Variants in CMSS1 observed in about 807,000 individuals in gnomAD.
The protein encoded by CMSS1 is cms1 ribosomal small subunit homolog, also known as protein CMSS1.
A neutral mutation model predicts 43.5 loss-of-function variants in CMSS1; 33 were observed. That is an observed-to-expected ratio of 0.76 (90% CI 0.57 to 1.01). The LOEUF (loss-of-function observed/expected upper bound fraction) is 1.01. Among genes scored for constraint, CMSS1 ranks in the 50% least tolerant of loss-of-function variants. CMSS1 has a pLI of 0.00. For missense variants in CMSS1, 313 were observed against 326.4 expected (o/e 0.96, Z 0.32); for synonymous variants, 115 against 117.2 (o/e 0.98, Z 0.12).
rs1184484571 is a variant in CMSS1, at chr3:99,848,185, G to A, written c.64+30142G>A. ...CAAACCTTCCCAAAGTACGAGTTCA[G>A]TCAGTCTTGGGGGATATGGAGGGAT... On this transcript the variant is annotated intron_variant, in intron 1 of 9. Transcript: ENST00000421999. 5 of 1,541,152 alleles carry A rather than the reference G, an allele frequency of 3.2e-6. No individual in the cohort carries two copies. In the South Asian group the frequency reaches 6.5e-5, roughly 20 times the overall value.
At chr3:99,869,361 G>A (rs1254271742) in intron 1 of CMSS1, among the ~76,000 whole-genome samples, 1 of 152,106 alleles carries the variant, frequency 6.6e-6, no homozygotes, top group Admixed American at 6.5e-5. Context: ...AAATCACTTG[G>A]CAAAGTTACT....
intron 1 of CMSS1, among the ~76,000 whole-genome samples, chr3:99,828,259 C>G (rs1345344637): frequency 6.6e-6 from 1 of 152,076 alleles, no homozygotes; most frequent in East Asian, 1.9e-4. Flanking sequence ...CCCTGTCATA[C>G]CATTGCTATC....
At chr3:99,922,193 G>A (rs1222934964) in intron 1 of CMSS1, among the ~76,000 whole-genome samples, 2 of 152,224 alleles carry the variant, frequency 1.3e-5, no homozygotes, top group Non-Finnish European at 2.9e-5. Context: ...AAAGATGAAA[G>A]AAAGTGTCTG....
intron 1 of CMSS1, among the ~76,000 whole-genome samples, chr3:99,973,180 T>C (rs1285611162): frequency 6.6e-6 from 1 of 152,200 alleles, no homozygotes; most frequent in Non-Finnish European, 1.5e-5. Context: ...CAGTGAATTC[T>C]CTGAAAAACT....
intron 1 of CMSS1, among the ~76,000 whole-genome samples, chr3:100,053,081 C>T (rs1487602627): frequency 6.6e-6 from 1 of 152,116 alleles, no homozygotes; most frequent in Non-Finnish European, 1.5e-5. Flanking sequence ...TCCTTGTTGA[C>T]AGTATGCTTC....
At chr3:100,038,779 G>T (rs1348406914) in intron 1 of CMSS1, among the ~76,000 whole-genome samples, 1 of 152,102 alleles carries the variant, frequency 6.6e-6, no homozygotes, top group African/African-American at 2.4e-5. Context: ...GAGATTACAG[G>T]TGCCAAGCCA....
chr3:100,103,713 C>G (rs2066347338), intron 1 of CMSS1, among the ~76,000 whole-genome samples: 1 of 152,194 alleles, frequency 6.6e-6, no homozygotes, highest in South Asian at 2.1e-4. Context: ...ACAAACTGCC[C>G]CCTGGGAAAT....
intron 2 of CMSS1, among the ~76,000 whole-genome samples, chr3:100,153,028 A>G (rs190658249): frequency 2.0e-5 from 3 of 152,260 alleles, no homozygotes; most frequent in African/African-American, 4.8e-5. Flanking sequence ...ATCTTAAAGT[A>G]TGTATATTTT....
At chr3:100,112,802 A>G (rs1020837009) in intron 1 of CMSS1, among the ~76,000 whole-genome samples, 1 of 152,254 alleles carries the variant, frequency 6.6e-6, no homozygotes, top group Non-Finnish European at 1.5e-5. Context: ...ATTAACAAAC[A>G]GCTCTTACAG....
At chr3:99,936,175 AAATCATTTTTGGT>A (rs1707659790) in intron 1 of CMSS1, among the ~76,000 whole-genome samples, 1 of 152,082 alleles carries the variant, frequency 6.6e-6, no homozygotes, top group Non-Finnish European at 1.5e-5. Context: ...CTCAAAAAAG[AAATCATTTTTGGT>A]CTTGGTCATT....
At chr3:100,038,163 C>T (rs375294459) in intron 1 of CMSS1, among the ~76,000 whole-genome samples, 1 of 152,084 alleles carries the variant, frequency 6.6e-6, no homozygotes, top group South Asian at 2.1e-4. Flanking sequence ...ACCATACTGG[C>T]CAGGCTGGTC....
intron 1 of CMSS1, among the ~76,000 whole-genome samples, chr3:99,980,380 G>T (rs1709086995): frequency 6.6e-6 from 1 of 152,078 alleles, no homozygotes; most frequent in Admixed American, 6.6e-5. Flanking sequence ...TTCAGTTTGG[G>T]GAAAGGAATA....
intron 1 of CMSS1, among the ~76,000 whole-genome samples, chr3:99,946,998 G>A (rs1163349095): frequency 3.3e-5 from 5 of 152,056 alleles, no homozygotes; most frequent in South Asian, 2.1e-4. Flanking sequence ...TTAGCGGGGC[G>A]TGGTGGCAGG....
At chr3:100,123,949 T>C (rs2066641884) in intron 1 of CMSS1, among the ~76,000 whole-genome samples, 1 of 152,184 alleles carries the variant, frequency 6.6e-6, no homozygotes, top group Non-Finnish European at 1.5e-5. Context: ...GGATTTCTAG[T>C]GGTCTGGGTA....
At chr3:99,826,513 G>A (rs189465020) in intron 1 of CMSS1, among the ~76,000 whole-genome samples, 57 of 152,204 alleles carry the variant, frequency 3.7e-4, no homozygotes, top group African/African-American at 1.3e-3. Flanking sequence ...TAATTTTCAC[G>A]TCACAAAATA....
At chr3:100,017,733 G>A (rs1007250538) in intron 1 of CMSS1, among the ~76,000 whole-genome samples, 5 of 151,596 alleles carry the variant, frequency 3.3e-5, no homozygotes, top group Non-Finnish European at 5.9e-5. Flanking sequence ...AAAACCAGCC[G>A]AGGCAACAAA....
chr3:99,944,186 T>G (rs1204603359), intron 1 of CMSS1, among the ~76,000 whole-genome samples: 2 of 152,140 alleles, frequency 1.3e-5, no homozygotes, highest in African/African-American at 2.4e-5. Flanking sequence ...AAACAAGTAT[T>G]TTAAGAGTGT....
rs555819875 is a variant in CMSS1, at chr3:100,074,675, A to ATTT, written c.65-72264_65-72262dup. On this transcript the variant is annotated intron_variant, in intron 1 of 9. Coordinates refer to ENST00000421999, the MANE Select transcript of CMSS1 (RefSeq NM_032359.4). ...ATTTTCTATGCATGTGCAACATTTG[A>ATTT]TTTTTTTTTTTTTTTTTTTTTTTTT... 7.2e-4 allele frequency among the ~76,000 whole-genome samples: 25 copies of ATTT among 34,796 alleles called. 8 individuals are homozygous for ATTT. The highest frequency in any genetic ancestry group is 9.9e-4 in the Non-Finnish European group (20 of 20,244). 22.8% of individuals were successfully genotyped at this position (34,796 alleles called of 152,430 possible). A position where few individuals can be genotyped will look rare whatever the true frequency, so the allele number is the denominator to read the frequency against.
chr3:100,080,303 C>T (rs949803358), intron 1 of CMSS1, among the ~76,000 whole-genome samples: 3 of 150,614 alleles, frequency 2.0e-5, no homozygotes, highest in Non-Finnish European at 4.4e-5. Flanking sequence ...TTAAAGCTCT[C>T]ATAACCTAGC....
Sources: allele counts gnomAD v4.1 joint callset (sites outside exome capture counted in the v4.1 genomes callset), GRCh38; gene constraint gnomAD v4.1.1; transcripts MANE v1.5; gene names NCBI Gene and HGNC (gene_info 2026-07-23, HGNC 2026-07-21).